DRC8: variants seen among roughly 807,000 people sequenced by gnomAD.
DRC8 encodes the protein dynein regulatory complex protein 8.
chr1:245,048,784 A>G, the DRC8 span, among the ~76,000 whole-genome samples: 1 of 152,068 alleles, frequency 6.6e-6, no homozygotes, highest in African/African-American at 2.4e-5. Context: ...AACTGTAAAC[A>G]TTGTAACCTT....
chr1:245,113,457 G>A, the DRC8 span, among the ~76,000 whole-genome samples: 5 of 152,150 alleles, frequency 3.3e-5, no homozygotes, highest in African/African-American at 1.2e-4. Context: ...AAGGCCCGCT[G>A]TGTGCTCTGC....
chr1:245,118,382 C>G, the DRC8 span, among the ~76,000 whole-genome samples: 49 of 152,160 alleles, frequency 3.2e-4, no homozygotes, highest in Non-Finnish European at 1.5e-4. Flanking sequence ...TGAAGGCCCT[C>G]GAAGTTTGCC....
chr1:244,980,471 G>A, the DRC8 span, among the ~76,000 whole-genome samples: 1 of 152,166 alleles, frequency 6.6e-6, no homozygotes, highest in Non-Finnish European at 1.5e-5. Context: ...ATGGACTCCA[G>A]GTTTGGGACT....
chr1:245,097,888 T>G, the DRC8 span, among the ~76,000 whole-genome samples: 1 of 151,198 alleles, frequency 6.6e-6, no homozygotes, highest in Admixed American at 6.6e-5. The surrounding 1 kb of genome is among the most constrained non-coding windows in gnomAD (Gnocchi z 5.0). Context: ...GTGGCCTGAG[T>G]GAAGAGAGAG....
the DRC8 span, among the ~76,000 whole-genome samples, chr1:245,103,714 G>A: frequency 0.013 from 1,906 of 149,866 alleles, 16 homozygotes; most frequent in Middle Eastern, 0.027. Flanking sequence ...GTGGTCCTCT[G>A]TGGTCAGGAG....
At chr1:245,026,791 A>G in the DRC8 span, among the ~76,000 whole-genome samples, 2 of 152,366 alleles carry the variant, frequency 1.3e-5, no homozygotes, top group East Asian at 3.9e-4. Context: ...GAAACATAGT[A>G]CCATATATAT....
chr1:245,057,273 T>G, the DRC8 span, among the ~76,000 whole-genome samples: 1 of 150,894 alleles, frequency 6.6e-6, no homozygotes. Flanking sequence ...AGGCGAAACT[T>G]ATATAGGTTG....
chr1:245,107,733 A>T, the DRC8 span, among the ~76,000 whole-genome samples: 1 of 152,108 alleles, frequency 6.6e-6, no homozygotes, highest in African/African-American at 2.4e-5. Context: ...GCACCACTCC[A>T]GGCACCGGGC....
chr1:245,084,618 G>T, the DRC8 span, among the ~76,000 whole-genome samples: 2 of 152,144 alleles, frequency 1.3e-5, no homozygotes, highest in Admixed American at 1.3e-4. Context: ...AAGGTCAGTA[G>T]CCTGATGGAC....
At chr1:245,044,997 G>T in the DRC8 span, among the ~76,000 whole-genome samples, 1 of 152,040 alleles carries the variant, frequency 6.6e-6, no homozygotes, top group African/African-American at 2.4e-5. Context: ...TTAAAAGGTT[G>T]CTTTAATTTA....
chr1:245,013,181 G>A, the DRC8 span, among the ~76,000 whole-genome samples: 1 of 151,986 alleles, frequency 6.6e-6, no homozygotes, highest in Non-Finnish European at 1.5e-5. Context: ...AAATCTATCT[G>A]TAAATTGTTG....
the DRC8 span, among the ~76,000 whole-genome samples, chr1:245,105,881 C>T: frequency 2.7e-4 from 41 of 151,572 alleles, no homozygotes; most frequent in Middle Eastern, 3.2e-3. Flanking sequence ...GTTTGAGAGA[C>T]GCCTGGGCAA....
At chr1:245,015,498 T>G in the DRC8 span, among the ~76,000 whole-genome samples, 9 of 151,908 alleles carry the variant, frequency 5.9e-5, no homozygotes, top group Non-Finnish European at 1.2e-4. Flanking sequence ...ATAATGAGGT[T>G]AGGAGATCGA....
the DRC8 span, among the ~76,000 whole-genome samples, chr1:245,033,305 A>G: frequency 1.3e-5 from 2 of 152,174 alleles, no homozygotes; most frequent in Non-Finnish European, 1.5e-5. Flanking sequence ...TTTTCATAAC[A>G]AAGCTTTCCT....
the DRC8 span, among the ~76,000 whole-genome samples, chr1:245,073,125 C>G: frequency 2.0e-5 from 3 of 152,112 alleles, no homozygotes; most frequent in African/African-American, 7.2e-5. Flanking sequence ...CAATGTAGCT[C>G]TATTAATTTT....
At chr1:245,104,503 TAA>T in the DRC8 span, among the ~76,000 whole-genome samples, 17 of 117,676 alleles carry the variant, frequency 1.4e-4, no homozygotes, top group Non-Finnish European at 1.1e-4. Context: ...GACTCTGTCA[TAA>T]AAAAAAAAAA....
chr1:244,972,596 G>A, the DRC8 span, among the ~76,000 whole-genome samples: 9 of 152,144 alleles, frequency 5.9e-5, no homozygotes, highest in African/African-American at 2.4e-5. Context: ...TGAGGCGGGC[G>A]GATCACGAGG....
the DRC8 span, among the ~76,000 whole-genome samples, chr1:245,012,631 C>A: frequency 2.6e-5 from 4 of 152,020 alleles, no homozygotes; most frequent in African/African-American, 9.7e-5. Flanking sequence ...CAGGCATCAT[C>A]TTCTTGGAGG....
chr1:245,112,144 C>CGA, the DRC8 span, among the ~76,000 whole-genome samples: 2 of 152,208 alleles, frequency 1.3e-5, no homozygotes, highest in African/African-American at 2.4e-5. Flanking sequence ...GCACAATTTC[C>CGA]GCTCACTGCA....
Sources: allele counts gnomAD v4.1 joint callset (sites outside exome capture counted in the v4.1 genomes callset), GRCh38; gene constraint gnomAD v4.1.1; non-coding constraint Gnocchi (gnomAD v3.1); transcripts MANE v1.5; gene names NCBI Gene and HGNC (gene_info 2026-07-23, HGNC 2026-07-21).